Variants in ZNF385D observed in about 807,000 individuals in gnomAD.
ZNF385D encodes zinc finger protein 659.
Under a neutral mutation model 35.8 loss-of-function variants are expected in ZNF385D, and 15 were observed. The observed-to-expected ratio is 0.42, with a 90% CI of 0.28 to 0.64. ZNF385D has a LOEUF of 0.64. ZNF385D is among the 30% of genes least tolerant of loss of function. The probability of loss-of-function intolerance (pLI) is 0.23; values close to 1 mark genes in which losing one functional copy is unlikely to be tolerated. For missense variants in ZNF385D, 474 were observed against 494.6 expected (o/e 0.96, Z 0.39); for synonymous variants, 212 against 186.8 (o/e 1.13, Z -1.10).
intron 3 of ZNF385D, among the ~76,000 whole-genome samples, chr3:21,872,680 G>T (rs994714219): frequency 6.6e-6 from 1 of 151,884 alleles, no homozygotes; most frequent in Non-Finnish European, 1.5e-5. Flanking sequence ...TGGCAAAATG[G>T]CCTGAAAGAA....
chr3:22,340,215 C>T (rs1263159288), intron 2 of ZNF385D, among the ~76,000 whole-genome samples: 1 of 152,080 alleles, frequency 6.6e-6, no homozygotes, highest in East Asian at 1.9e-4. Context: ...ATAACCATGC[C>T]TGTTAAATTG....
intron 3 of ZNF385D, among the ~76,000 whole-genome samples, chr3:21,885,734 CTGTGTCTGTGTGTG>C (rs1416571441): frequency 0.011 from 1,398 of 131,910 alleles, 23 homozygotes; most frequent in Non-Finnish European, 0.012. Context: ...CAGGGTGTGT[CTGTGTCTGTGTGTG>C]TGTGTGTGTG....
chr3:21,429,599 A>C (rs868563997), intron 5 of ZNF385D, among the ~76,000 whole-genome samples: 1 of 152,074 alleles, frequency 6.6e-6, no homozygotes, highest in African/African-American at 2.4e-5. Flanking sequence ...AAAGAATATA[A>C]CTATTTTTAA....
In ZNF385D at chr3:21,690,902, C is replaced by A. The variant is rs572882294; in HGVS notation, c.23-25874G>T. On this transcript the variant is annotated intron_variant, in intron 1 of 7. Transcript: ENST00000281523. ...CACTTGCCATCACCCTGTGCACCTACGTGATCAATATCTAAAACTGTTCCT... is the reference window on the plus strand; with the variant it reads ...CACTTGCCATCACCCTGTGCACCTAAGTGATCAATATCTAAAACTGTTCCT... 1.6e-4 allele frequency among the ~76,000 whole-genome samples: 25 copies of A among 152,196 alleles called. 1 individual carries two copies. Among genetic ancestry groups the A allele is most frequent in the Admixed American group, 1.6e-3 (25 of 15,278 alleles).
At chr3:22,167,293 T>G (rs1706397766) in intron 3 of ZNF385D, among the ~76,000 whole-genome samples, 1 of 152,198 alleles carries the variant, frequency 6.6e-6, no homozygotes, top group South Asian at 2.1e-4. Flanking sequence ...TGCCTTTGCT[T>G]TAGCCTTTCC....
At chr3:22,246,652 G>T (rs1000201123) in intron 2 of ZNF385D, among the ~76,000 whole-genome samples, 1 of 152,052 alleles carries the variant, frequency 6.6e-6, no homozygotes, top group African/African-American at 2.4e-5. Flanking sequence ...CAAAAAGAAA[G>T]CCTTAAGTGT....
At chr3:21,675,944 A>T (rs2066710699) in intron 1 of ZNF385D, among the ~76,000 whole-genome samples, 1 of 152,118 alleles carries the variant, frequency 6.6e-6, no homozygotes. Flanking sequence ...CTTAATGATG[A>T]TAGCTCTAAG....
chr3:21,457,454 C>T (rs2125301523), intron 4 of ZNF385D, among the ~76,000 whole-genome samples: 1 of 152,134 alleles, frequency 6.6e-6, no homozygotes, highest in South Asian at 2.1e-4. Context: ...CTCCCGGGTT[C>T]AGGTGATTCT....
chr3:21,461,848 G>A (rs904495290), intron 4 of ZNF385D, among the ~76,000 whole-genome samples: 5 of 152,234 alleles, frequency 3.3e-5, no homozygotes, highest in African/African-American at 1.2e-4. Flanking sequence ...CAGCAAAGCA[G>A]TTTGCTGCTG....
chr3:21,670,920 G>C (rs944995719), intron 1 of ZNF385D, among the ~76,000 whole-genome samples: 1 of 151,856 alleles, frequency 6.6e-6, no homozygotes, highest in African/African-American at 2.4e-5. Context: ...AGAGACCACC[G>C]ATGGCAGAGT....
intron 1 of ZNF385D, among the ~76,000 whole-genome samples, chr3:21,688,051 AT>A (rs1453407263): frequency 6.6e-6 from 1 of 151,736 alleles, no homozygotes; most frequent in Admixed American, 6.6e-5. Flanking sequence ...TGGCCAGAAA[AT>A]TTTTTTTAAA....
chr3:21,690,182 ATGTT>A (rs1369026096), intron 1 of ZNF385D, among the ~76,000 whole-genome samples: 2 of 152,156 alleles, frequency 1.3e-5, no homozygotes, highest in Non-Finnish European at 2.9e-5. Context: ...AAATCTGTAT[ATGTT>A]TGTGTTGTGT....
chr3:21,437,776 C>T (rs1701645114), intron 4 of ZNF385D, among the ~76,000 whole-genome samples: 1 of 142,664 alleles, frequency 7.0e-6, no homozygotes, highest in Non-Finnish European at 1.5e-5. Context: ...AAAATCATTG[C>T]TCTATTTGCA....
rs1324727121 is a variant in ZNF385D at position 21,953,545 on chromosome 3, C to CA, written c.325+215271dup. ...TCAAATGGCTAAAATACAGTTTATT[C>CA]AATAGCTTTGGTTCTTAGTGGCTAC... On this transcript the variant is annotated intron_variant, in intron 3 of 5. Coordinates refer to the ZNF385D transcript ENST00000494108. Among the ~76,000 whole-genome samples, 8 of 152,040 alleles carry CA rather than the reference C, an allele frequency of 5.3e-5. No homozygotes were observed. The East Asian group carries it at 1.5e-3, about 29-fold the overall frequency.
chr3:21,787,614 T>G (rs1457912525), intron 3 of ZNF385D, among the ~76,000 whole-genome samples: 2 of 151,972 alleles, frequency 1.3e-5, no homozygotes, highest in African/African-American at 2.4e-5. Flanking sequence ...AAAGCCAGCT[T>G]CCTACCCAAT....
At chr3:21,753,811 T>G (rs965687186), upstream of ZNF385D, among the ~76,000 whole-genome samples, 2 of 144,608 alleles carry the variant, frequency 1.4e-5, no homozygotes, top group African/African-American at 4.9e-5. Context: ...GTGTGTGTAT[T>G]TGCGTTTTGT....
At chr3:22,260,703 T>TA (rs200526636) in intron 2 of ZNF385D, among the ~76,000 whole-genome samples, 2 of 151,896 alleles carry the variant, frequency 1.3e-5, no homozygotes, top group Non-Finnish European at 1.5e-5. Flanking sequence ...TTACCTAACA[T>TA]AAAAAATACC....
chr3:21,491,397 C>A (rs866070500), intron 4 of ZNF385D, among the ~76,000 whole-genome samples: 1 of 151,978 alleles, frequency 6.6e-6, no homozygotes, highest in Non-Finnish European at 1.5e-5. Context: ...CACAAACTGC[C>A]ATTTAACTAT....
chr3:21,601,418 G>A (rs1447836727), intron 2 of ZNF385D, among the ~76,000 whole-genome samples: 2 of 152,206 alleles, frequency 1.3e-5, no homozygotes, highest in Admixed American at 6.5e-5. Context: ...AAGTGTTACA[G>A]GGAAACCTCA....
Sources: allele counts gnomAD v4.1 joint callset (sites outside exome capture counted in the v4.1 genomes callset), GRCh38; gene constraint gnomAD v4.1.1; transcripts MANE v1.5; gene names NCBI Gene and HGNC (gene_info 2026-07-23, HGNC 2026-07-21).